ABR: variants seen among roughly 807,000 people sequenced by gnomAD.
ABR encodes the protein active breakpoint cluster region-related protein.
ABR carries 35 observed loss-of-function variants against 107.2 expected under a neutral mutation model. The ratio of observed to expected loss-of-function variants is 0.33; its 90% confidence interval spans 0.25 to 0.43. ABR has a LOEUF of 0.43. ABR is among the 20% of genes least tolerant of loss of function. ABR has a pLI of 1.00. For missense variants in ABR, 815 were observed against 1,115.2 expected (o/e 0.73, Z 3.83); for synonymous variants, 498 against 462.0 (o/e 1.08, Z -1.00).
intron 1 of ABR, among the ~76,000 whole-genome samples, chr17:1,225,101 A>G (rs886311873): frequency 7.3e-5 from 11 of 150,078 alleles, no homozygotes; most frequent in African/African-American, 2.0e-4. Context: ...GGGAGCCCAG[A>G]TGGCACCACT....
upstream of ABR, among the ~76,000 whole-genome samples, chr17:1,181,099 G>A (rs556316716): frequency 6.6e-6 from 1 of 152,178 alleles, no homozygotes; most frequent in Non-Finnish European, 1.5e-5. Context: ...GCCCTACAGA[G>A]GCCTACCAGG....
Position 1,012,808 on chromosome 17 carries a change from G to T in ABR, c.1852-11C>A, listed in dbSNP as rs968739560. ...AAATTCCACTTTGATCTGGTTGGGG[G>T]GTGAGGCAGGTAAAGATTCCCCAGG... On this transcript the variant is annotated splice_polypyrimidine_tract_variant and intron_variant, in intron 17 of 22. Transcript: ENST00000302538. 6.4e-7 allele frequency: 1 copy of T among 1,560,582 alleles called. No individual in the cohort carries two copies. Among genetic ancestry groups the T allele is most frequent in the Non-Finnish European group, 8.7e-7 (1 of 1,148,938 alleles).
intron 16 of ABR, among the ~76,000 whole-genome samples, chr17:1,039,756 G>A (rs1034648796): frequency 1.3e-5 from 2 of 152,154 alleles, no homozygotes; most frequent in East Asian, 3.9e-4. Flanking sequence ...GCAGAGGGAA[G>A]AGCCCCACGT....
intron 16 of ABR, among the ~76,000 whole-genome samples, chr17:1,044,913 C>T (rs930230209): frequency 6.6e-6 from 1 of 152,144 alleles, no homozygotes; most frequent in African/African-American, 2.4e-5. Context: ...GCTGGCCGCT[C>T]TATACCAAGA....
At chr17:1,146,062 A>G (rs1433037052) in intron 1 of ABR, among the ~76,000 whole-genome samples, 1 of 152,158 alleles carries the variant, frequency 6.6e-6, no homozygotes, top group Non-Finnish European at 1.5e-5. Context: ...AGCACCGGTG[A>G]CTGTGACTTC....
intron 9 of ABR, among the ~76,000 whole-genome samples, chr17:1,068,727 C>T (rs574646697): frequency 2.6e-5 from 4 of 152,328 alleles, no homozygotes; most frequent in South Asian, 2.1e-4. Context: ...CCCACCCTCC[C>T]GGGTAGAGAG....
chr17:1,029,127 A>T (rs1193632618), intron 16 of ABR, among the ~76,000 whole-genome samples: 2 of 150,992 alleles, frequency 1.3e-5, no homozygotes, highest in Non-Finnish European at 1.5e-5. Flanking sequence ...ACAAACAGGG[A>T]AAAGGAAAGA....
Position 1,058,642 on chromosome 17 carries a change from G to A in ABR, c.1305+103C>T, listed in dbSNP as rs189475445. The A allele has an allele frequency of 2.8e-4, 410 of 1,439,524 alleles. 1 individual carries two copies. Among genetic ancestry groups the A allele is most frequent in the Non-Finnish European group, 3.5e-4 (373 of 1,075,700 alleles). The allele number at this position is 1,439,524 out of a possible 1,614,324, so 89.2% of individuals were successfully genotyped here. ...CATGGCAGCCTCCTCAGGAAGAGGG[G>A]GCCTGAGTTTCCGGTTCGTACAGGT... is the stretch of plus-strand genomic sequence containing the variant. On this transcript the variant is annotated intron_variant, in intron 11 of 22. Transcript: ENST00000302538.
At chr17:1,155,692 G>A (rs1054375118) in intron 1 of ABR, among the ~76,000 whole-genome samples, 14 of 152,092 alleles carry the variant, frequency 9.2e-5, no homozygotes, top group African/African-American at 3.1e-4. Context: ...TAGGCCGGCC[G>A]CAGTGGCTCA....
rs578088866 is a variant in ABR, at chr17:1,094,962, CA to C, written c.346-3113del. ...TGAGCTGAAAGCTTTGGGGACTCCC[CA>C]CCCTCCATGAGGGACATGGAACTAG... On this transcript the variant is annotated intron_variant, in intron 3 of 22. Coordinates refer to ENST00000302538, the MANE Select transcript of ABR (RefSeq NM_021962.5). Among the ~76,000 whole-genome samples, 617 of 152,326 alleles carry C rather than the reference CA, an allele frequency of 4.1e-3. 3 individuals are homozygous for C. The highest frequency in any genetic ancestry group is 0.014 in the African/African-American group (587 of 41,566).
chr17:1,083,594 C>T lies in ABR; in HGVS notation c.565G>A (p.Asp189Asn), dbSNP rs1228586339. The stretch of plus-strand genomic sequence containing the variant: ...GTCTCCAGAGCGACTTTATAGTTAT[C>T]GACAAACGCTTTGTACACACCGAGC... ...SQLGVYKAFV[D>N]NYKVALETAE... The change falls in exon 5 of 23, where the codon GAT becomes AAT. Residue 189 changes from aspartate to asparagine, a missense_variant. Transcript: ENST00000302538. The T allele has an allele frequency of 3.7e-6, 6 of 1,613,626 alleles. No homozygotes were observed. The highest frequency in any genetic ancestry group is 4.5e-5 in the East Asian group (2 of 44,858).
intron 9 of ABR, among the ~76,000 whole-genome samples, chr17:1,067,995 C>T (rs558787952): frequency 1.7e-4 from 26 of 151,858 alleles, no homozygotes; most frequent in South Asian, 1.3e-3. Flanking sequence ...TGCAATGGCG[C>T]GATCTCCACT....
At chr17:1,091,617 G>C in intron 4 of ABR, 48 bp downstream of exon 4, 1 of 1,580,380 alleles carries the variant, frequency 6.3e-7, no homozygotes, top group Non-Finnish European at 8.6e-7. Context: ...AACACTATGG[G>C]CTCCACTGAG....
intron 1 of ABR, among the ~76,000 whole-genome samples, chr17:1,169,183 C>T (rs370706625): frequency 2.0e-5 from 3 of 152,194 alleles, no homozygotes; most frequent in Non-Finnish European, 2.9e-5. Context: ...GCTTCCGCCA[C>T]GCAGGAAGAG....
At chr17:1,121,889 C>T (rs984421046) in intron 2 of ABR, among the ~76,000 whole-genome samples, 1 of 152,164 alleles carries the variant, frequency 6.6e-6, no homozygotes, top group Non-Finnish European at 1.5e-5. Flanking sequence ...CAATGTCTCA[C>T]AGCTAAAGAG....
At position 1,156,230 on chromosome 17, in the gene ABR, T is replaced by C. The variant is rs774826609; in HGVS notation, c.61+23437A>G. The C allele has an allele frequency of 1.7e-3, 264 of 152,386 alleles. 7 individuals carry two copies. Among genetic ancestry groups the C allele is most frequent in the Admixed American group, 9.8e-4 (15 of 15,296 alleles). The allele number at this position is 152,386 out of a possible 1,614,324, so 9.4% of individuals were successfully genotyped here. On this transcript the variant is annotated intron_variant, in intron 1 of 22. Coordinates refer to ENST00000302538, the MANE Select transcript of ABR (RefSeq NM_021962.5). ...TAGGCCTCCGGCTGCAGGGGGCTCA[T>C]GAGGAGCCATTCTGAGGACTGAGCC...
chr17:1,225,028 A>G (rs2043187920), intron 1 of ABR, among the ~76,000 whole-genome samples: 1 of 151,762 alleles, frequency 6.6e-6, no homozygotes, highest in Non-Finnish European at 1.5e-5. Flanking sequence ...GGGCACCTGT[A>G]GTCCCAGCTA....
intron 1 of ABR, among the ~76,000 whole-genome samples, chr17:1,186,526 C>G (rs2042300691): frequency 6.6e-6 from 1 of 152,260 alleles, no homozygotes; most frequent in Non-Finnish European, 1.5e-5. Flanking sequence ...ACACTCCCCA[C>G]ACGCCCCCAC....
intron 1 of ABR, among the ~76,000 whole-genome samples, chr17:1,186,205 CCA>C (rs771615937): frequency 5.3e-5 from 8 of 152,208 alleles, no homozygotes; most frequent in Admixed American, 2.6e-4. Context: ...CCCCAGGCCT[CCA>C]CAGTGTCACC....
Sources: allele counts gnomAD v4.1 joint callset (sites outside exome capture counted in the v4.1 genomes callset), GRCh38; gene constraint gnomAD v4.1.1; transcripts MANE v1.5; gene names NCBI Gene and HGNC (gene_info 2026-07-23, HGNC 2026-07-21).